TBCA: variants seen among roughly 807,000 people sequenced by gnomAD.
The protein encoded by TBCA is tubulin-specific chaperone A.
A neutral mutation model predicts 15.8 loss-of-function variants in TBCA; 6 were observed. The ratio of observed to expected loss-of-function variants is 0.38; its 90% CI spans 0.21 to 0.75. The LOEUF (loss-of-function observed/expected upper bound fraction) is 0.75, where lower values mean the gene tolerates loss of function less well. Ranked by LOEUF, TBCA falls within the 30% of genes least tolerant of loss-of-function variation. The probability of loss-of-function intolerance (pLI) is 0.46; values close to 1 mark genes in which losing one functional copy is unlikely to be tolerated. For missense variants in TBCA, 90 were observed against 131.2 expected, an observed-to-expected ratio of 0.69 and a Z score of 1.53; for synonymous variants, 32 against 42.3, an observed-to-expected ratio of 0.76 and a Z score of 0.94.
At chr5:77,727,237 A>AG (rs1746648511) in intron 1 of TBCA, among the ~76,000 whole-genome samples, 1 of 111,478 alleles carries the variant, frequency 9.0e-6, no homozygotes, top group Non-Finnish European at 1.9e-5. Flanking sequence ...ACTCTGTCTC[A>AG]GGAAAAAAAA....
chr5:77,754,563 T>C (rs1012744933), intron 1 of TBCA, among the ~76,000 whole-genome samples: 1 of 152,256 alleles, frequency 6.6e-6, no homozygotes, highest in Non-Finnish European at 1.5e-5. Flanking sequence ...AGTCATCATG[T>C]AAAGTTATTT....
At chr5:77,709,662 T>C (rs1746232076) in intron 1 of TBCA, among the ~76,000 whole-genome samples, 1 of 152,172 alleles carries the variant, frequency 6.6e-6, no homozygotes, top group Non-Finnish European at 1.5e-5. Flanking sequence ...CCATATGTCC[T>C]GACAATTCCA....
intron 1 of TBCA, among the ~76,000 whole-genome samples, chr5:77,738,347 C>T (rs975884042): frequency 1.3e-5 from 2 of 152,184 alleles, no homozygotes; most frequent in Non-Finnish European, 2.9e-5. Flanking sequence ...TTAGTTCTGA[C>T]CTTTGCTATA....
Position 77,717,108 on chromosome 5 carries a change from C to T in TBCA, c.54-8761G>A, listed in dbSNP as rs150608976. On this transcript the variant is annotated intron_variant, in intron 1 of 3. Coordinates refer to ENST00000380377, the MANE Select transcript of TBCA (RefSeq NM_004607.3). ...GGAAATCCTGCCTAAAAAGACAGGT[C>T]AATCTAGTCAGAGAACTGCAGTCTT... Among the ~76,000 whole-genome samples the T allele has an allele frequency of 6.1e-3, 933 of 152,292 alleles. 4 individuals carry two copies. Among genetic ancestry groups the T allele is most frequent in the Non-Finnish European group, 8.3e-3 (565 of 68,020 alleles).
intron 1 of TBCA, among the ~76,000 whole-genome samples, chr5:77,757,053 T>G (rs868087202): frequency 6.6e-6 from 1 of 152,204 alleles, no homozygotes; most frequent in East Asian, 1.9e-4. Context: ...CTTGGTTTTA[T>G]TCTGGTTTTC....
chr5:77,700,273 A>G (rs2112427574), intron 2 of TBCA, among the ~76,000 whole-genome samples: 1 of 152,168 alleles, frequency 6.6e-6, no homozygotes, highest in Admixed American at 6.5e-5. Context: ...AAGAAGACAA[A>G]CTACAGACAG....
intron 1 of TBCA, among the ~76,000 whole-genome samples, chr5:77,771,577 C>T (rs1747914738): frequency 6.6e-6 from 1 of 152,216 alleles, no homozygotes; most frequent in South Asian, 2.1e-4. Context: ...GGCCCTGAAA[C>T]TTGTTTCTAC....
chr5:77,746,886 G>T (rs991784098), intron 1 of TBCA, among the ~76,000 whole-genome samples: 9 of 151,918 alleles, frequency 5.9e-5, no homozygotes, highest in Non-Finnish European at 4.4e-5. Flanking sequence ...CAGTTTCTTC[G>T]AAATAAAATT....
rs116583005 is a variant in TBCA, at chr5:77,709,751, G to C, written c.54-1404C>G. Among the ~76,000 whole-genome samples, 7 of 152,226 alleles carry C rather than the reference G, an allele frequency of 4.6e-5. No homozygotes were observed. In the South Asian group the frequency reaches 1.5e-3, roughly 32 times the overall value. On this transcript the variant is annotated intron_variant, in intron 1 of 3. Transcript: ENST00000380377. ...CTATGGATGTTTACAGCAACATTAT[G>C]CAAGACAGGCAAAATGTGGAAGTCC...
chr5:77,748,382 A>T lies in TBCA; in HGVS notation c.53+27823T>A, dbSNP rs2112489021. ...CGTGTGTGTGGAGAGAGAGATATGG[A>T]GGGGGAGAGAGGAATATGGGGGAGG... On this transcript the variant is annotated intron_variant, in intron 1 of 3. Transcript: ENST00000380377. Among the ~76,000 whole-genome samples, 3 of 150,138 alleles carry T rather than the reference A, an allele frequency of 2.0e-5. No homozygotes were observed. In the Middle Eastern group the frequency reaches 0.01, roughly 525 times the overall value.
chr5:77,768,249 T>C (rs1166335787), intron 1 of TBCA, among the ~76,000 whole-genome samples: 1 of 152,192 alleles, frequency 6.6e-6, no homozygotes, highest in Non-Finnish European at 1.5e-5. Context: ...TATTGAACAT[T>C]TACTACATAT....
At chr5:77,763,789 C>CCA (rs1346266924) in intron 1 of TBCA, among the ~76,000 whole-genome samples, 1 of 152,126 alleles carries the variant, frequency 6.6e-6, no homozygotes, top group Non-Finnish European at 1.5e-5. Context: ...TATAAGCCAC[C>CCA]CAGTCTATGG....
intron 1 of TBCA, among the ~76,000 whole-genome samples, chr5:77,720,642 A>C (rs1746510144): frequency 6.6e-6 from 1 of 152,164 alleles, no homozygotes. Flanking sequence ...TGAACCCCAG[A>C]GGCTGAGGTT....
chr5:77,732,037 G>C (rs1746784241), intron 1 of TBCA, among the ~76,000 whole-genome samples: 1 of 152,120 alleles, frequency 6.6e-6, no homozygotes, highest in African/African-American at 2.4e-5. Context: ...CTGGGACGTT[G>C]CTTTGCGGGA....
At chr5:77,776,110 G>T in intron 1 of TBCA, 95 bp downstream of exon 1, 3 of 1,473,280 alleles carry the variant, frequency 2.0e-6, no homozygotes, top group Non-Finnish European at 2.8e-6. Context: ...TTCGGAGCCC[G>T]CCTCGGGCCT....
intron 1 of TBCA, among the ~76,000 whole-genome samples, chr5:77,773,611 A>C (rs956761612): frequency 2.6e-5 from 4 of 152,182 alleles, no homozygotes; most frequent in Admixed American, 2.6e-4. Flanking sequence ...CACTTCACAA[A>C]TGGCTGTGCA....
At chr5:77,692,847 G>A in intron 3 of TBCA, 1 of 1,106,184 alleles carries the variant, frequency 9.0e-7, no homozygotes, top group South Asian at 2.8e-5. Flanking sequence ...ACTGATCTAG[G>A]TTTGAATGTG....
chr5:77,755,949 A>G (rs1747464840), intron 1 of TBCA, among the ~76,000 whole-genome samples: 1 of 152,192 alleles, frequency 6.6e-6, no homozygotes, highest in Admixed American at 6.5e-5. Flanking sequence ...GGTTGCGGTG[A>G]GCAGTGATGG....
At chr5:77,707,158 T>C (rs1244884412) in intron 2 of TBCA, among the ~76,000 whole-genome samples, 2 of 151,966 alleles carry the variant, frequency 1.3e-5, no homozygotes, top group African/African-American at 4.8e-5. Context: ...TCACTGATAG[T>C]TATAACAAGG....
Sources: gnomAD v4.1 joint callset for allele counts (sites outside exome capture counted in the v4.1 genomes callset) on GRCh38, gnomAD v4.1.1 for gene constraint, MANE v1.5 for transcripts, NCBI Gene and HGNC (gene_info 2026-07-23, HGNC 2026-07-21) for gene names.